QTMAN: variants seen among roughly 807,000 people sequenced by gnomAD.
The protein encoded by QTMAN is tRNA-queuosine alpha-mannosyltransferase.
At chr2:144,230,201 A>T in the QTMAN span, 1 of 152,150 alleles carries the variant, frequency 6.6e-6, no homozygotes, top group Non-Finnish European at 1.5e-5. Flanking sequence ...GTTTACAATA[A>T]ACTGAACAGA....
At chr2:144,266,624 T>C in the QTMAN span, among the ~76,000 whole-genome samples, 6 of 152,174 alleles carry the variant, frequency 3.9e-5, no homozygotes, top group African/African-American at 9.7e-5. Context: ...GGACTGGAAG[T>C]TGAAACATCT....
chr2:144,172,885 C>T, the QTMAN span, among the ~76,000 whole-genome samples: 1 of 151,902 alleles, frequency 6.6e-6, no homozygotes, highest in African/African-American at 2.4e-5. Context: ...AGTGGCGTTG[C>T]GGGGTGGGGG....
At chr2:144,148,858 A>T in the QTMAN span, among the ~76,000 whole-genome samples, 8 of 151,980 alleles carry the variant, frequency 5.3e-5, no homozygotes. Context: ...AATCATTAAA[A>T]GAAAATTCAC....
chr2:144,146,224 T>G, the QTMAN span, among the ~76,000 whole-genome samples: 3 of 148,406 alleles, frequency 2.0e-5, no homozygotes, highest in African/African-American at 7.5e-5. Context: ...TGCAATAGAC[T>G]TATCTAGTAT....
At chr2:144,202,454 T>C in the QTMAN span, among the ~76,000 whole-genome samples, 1 of 152,194 alleles carries the variant, frequency 6.6e-6, no homozygotes, top group Non-Finnish European at 1.5e-5. Flanking sequence ...ATGAAGACAC[T>C]AAACACTTAA....
chr2:144,270,997 C>A, the QTMAN span, among the ~76,000 whole-genome samples: 1 of 152,158 alleles, frequency 6.6e-6, no homozygotes, highest in Non-Finnish European at 1.5e-5. Context: ...TTCACTTTCT[C>A]TAAGTAAAGA....
chr2:144,225,090 G>A, the QTMAN span, among the ~76,000 whole-genome samples: 5 of 152,258 alleles, frequency 3.3e-5, no homozygotes, highest in South Asian at 1.0e-3. Context: ...TAAAATATTT[G>A]CAATATTTGA....
At chr2:144,303,581 A>AT in the QTMAN span, among the ~76,000 whole-genome samples, 3 of 152,208 alleles carry the variant, frequency 2.0e-5, no homozygotes, top group Non-Finnish European at 4.4e-5. Flanking sequence ...ATGTTCAACA[A>AT]TTTTTTGTGA....
chr2:143,997,841 C>A, the QTMAN span, among the ~76,000 whole-genome samples: 1 of 151,902 alleles, frequency 6.6e-6, no homozygotes, highest in Non-Finnish European at 1.5e-5. Context: ...GTATTTTACC[C>A]ATGCTACCTT....
chr2:144,075,874 T>A, the QTMAN span, among the ~76,000 whole-genome samples: 1 of 152,220 alleles, frequency 6.6e-6, no homozygotes, highest in Non-Finnish European at 1.5e-5. Context: ...GACAGTTGTG[T>A]CAGTCCTGAA....
chr2:144,147,189 A>T, the QTMAN span, among the ~76,000 whole-genome samples: 2 of 151,794 alleles, frequency 1.3e-5, no homozygotes, highest in Non-Finnish European at 2.9e-5. Context: ...AAAGAGGCAC[A>T]CAAGACCAAA....
the QTMAN span, among the ~76,000 whole-genome samples, chr2:144,190,535 GA>G: frequency 2.0e-5 from 3 of 152,282 alleles, no homozygotes; most frequent in East Asian, 5.8e-4. Flanking sequence ...ATTGCTGGGA[GA>G]TGGCTGAAGC....
At chr2:144,077,428 C>A in the QTMAN span, among the ~76,000 whole-genome samples, 1 of 152,220 alleles carries the variant, frequency 6.6e-6, no homozygotes. Flanking sequence ...TCCTTTATAA[C>A]AGGCTACTAG....
chr2:144,013,237 T>C, the QTMAN span, among the ~76,000 whole-genome samples: 1 of 152,176 alleles, frequency 6.6e-6, no homozygotes, highest in Non-Finnish European at 1.5e-5. Context: ...GAGTACCTAA[T>C]ATGTGATGGG....
At chr2:144,171,197 T>C in the QTMAN span, among the ~76,000 whole-genome samples, 1 of 152,216 alleles carries the variant, frequency 6.6e-6, no homozygotes, top group Non-Finnish European at 1.5e-5. Context: ...TATGTAACTA[T>C]ATGCTATTAT....
At chr2:144,214,180 C>T in the QTMAN span, among the ~76,000 whole-genome samples, 1 of 152,072 alleles carries the variant, frequency 6.6e-6, no homozygotes, top group African/African-American at 2.4e-5. Context: ...TGCTAAACAA[C>T]TTTCCTCAAA....
chr2:144,224,214 T>C, the QTMAN span, among the ~76,000 whole-genome samples: 3 of 152,246 alleles, frequency 2.0e-5, no homozygotes, highest in Non-Finnish European at 4.4e-5. Flanking sequence ...TAGAATTCTT[T>C]TTTATTTTCT....
chr2:144,012,175 T>C, the QTMAN span, among the ~76,000 whole-genome samples: 1 of 152,064 alleles, frequency 6.6e-6, no homozygotes, highest in Non-Finnish European at 1.5e-5. Context: ...CCCACCTCTG[T>C]CCGCCAGTAT....
the QTMAN span, among the ~76,000 whole-genome samples, chr2:144,117,699 A>T: frequency 2.0e-5 from 3 of 152,192 alleles, no homozygotes; most frequent in Non-Finnish European, 4.4e-5. Flanking sequence ...CAGGTTGATA[A>T]GTTAGTGTTT....
Sources: gnomAD v4.1 joint callset for allele counts (sites outside exome capture counted in the v4.1 genomes callset) on GRCh38, gnomAD v4.1.1 for gene constraint, MANE v1.5 for transcripts, NCBI Gene and HGNC (gene_info 2026-07-23, HGNC 2026-07-21) for gene names.